EIF3L: variants seen among roughly 807,000 people sequenced by gnomAD.
EIF3L encodes eukaryotic translation initiation factor 3 subunit L, also known as eIEF associated protein HSPC021.
EIF3L carries 32 observed loss-of-function variants against 74.6 expected under a neutral mutation model. The ratio of observed to expected loss-of-function variants is 0.43; its 90% CI spans 0.32 to 0.58. The LOEUF (loss-of-function observed/expected upper bound fraction) is 0.58. EIF3L is among the 20% of genes least tolerant of loss of function. EIF3L has a pLI of 0.06. For missense variants in EIF3L, 474 were observed against 707.8 expected (o/e 0.67, Z 3.75); for synonymous variants, 256 against 254.4 (o/e 1.01, Z -0.06).
intron 9 of EIF3L, 139 bp from the exon 10 acceptor site, chr22:37,875,701 TC>T (rs1926708869): frequency 1.5e-6 from 1 of 685,126 alleles, no homozygotes; most frequent in Non-Finnish European, 2.4e-6. Context: ...AATAGGAAGA[TC>T]CGCTCTCAAA....
rs1206144941 is a variant in EIF3L, at chr22:37,863,032, A to G, written c.499A>G (p.Ile167Val). 3.7e-6 allele frequency: 6 copies of G among 1,612,486 alleles called. No individual in the cohort carries two copies. The South Asian group carries it at 5.5e-5, about 15-fold the overall frequency. The change falls in exon 6 of 13, where the codon ATT becomes GTT. Residue 167 changes from isoleucine to valine, a missense_variant. Around this residue, in one of 4 missense-constraint regions of EIF3L, gnomAD observed 141 missense variants for 197.7 expected, o/e 0.71. Transcript: ENST00000652021. ...YYNYCNLFNY[I>V]LNADGPAPLE... is the part of the protein sequence containing the mutation. ...CAACTACTGCAATCTCTTCAACTAC[A>G]TTCTTAGTGAGTCTGAGATTTGGCC...
intron 5 of EIF3L, among the ~76,000 whole-genome samples, chr22:37,860,660 A>G (rs896826742): frequency 1.3e-5 from 2 of 152,230 alleles, no homozygotes; most frequent in Admixed American, 1.3e-4. Flanking sequence ...GGCGTGAGCC[A>G]CTGTGCCTGG....
intron 6 of EIF3L, 55 bp downstream of exon 6, chr22:37,863,093 T>A: frequency 6.9e-7 from 1 of 1,440,874 alleles, no homozygotes; most frequent in Non-Finnish European, 9.5e-7. Flanking sequence ...GGTTCAGCAT[T>A]GGCCTCCAGC....
chr22:37,884,903 T>A (rs1317750817), intron 11 of EIF3L: 102 of 6,718 alleles, frequency 0.015, no homozygotes, highest in Non-Finnish European at 0.028. Context: ...TGTCAAGCCT[T>A]TTTTTTTTTT....
At chr22:37,857,696 C>T (rs779100814) in intron 4 of EIF3L, among the ~76,000 whole-genome samples, 18 of 151,766 alleles carry the variant, frequency 1.2e-4, no homozygotes, top group Admixed American at 2.6e-4. Context: ...AGGCACCTGG[C>T]GGATTTTTTG....
Position 37,863,346 on chromosome 22 carries a change from G to A in EIF3L, c.579+1G>A, listed in dbSNP as rs113036185. 5.0e-6 allele frequency: 8 copies of A among 1,609,576 alleles called. No homozygotes were observed. Among genetic ancestry groups the A allele is most frequent in the East Asian group, 2.2e-5 (1 of 44,872 alleles). On this transcript the variant is annotated splice_donor_variant, in intron 7 of 12. Coordinates refer to ENST00000652021, the MANE Select transcript of EIF3L (RefSeq NM_016091.4). LOFTEE classifies it high-confidence loss of function. ...TATTATCGATGAGTTCATCTACCAG[G>A]TATCTGGTCAGCTTCAGCCTAATTT...
At chr22:37,852,694 G>A (rs1925289566) in intron 3 of EIF3L, among the ~76,000 whole-genome samples, 2 of 152,002 alleles carry the variant, frequency 1.3e-5, no homozygotes, top group Admixed American at 1.3e-4. Context: ...CATGGTTTTA[G>A]GCCTCACCCC....
chr22:37,874,476 T>C lies in EIF3L; in HGVS notation c.858T>C (p.Asp286=). Residue 286 remains aspartate, a synonymous_variant, in exon 9 of 13, where the codon GAT becomes GAC. Coordinates refer to ENST00000652021, the MANE Select transcript of EIF3L (RefSeq NM_016091.4). ...GLLRLHSLLG[D]YYQAIKVLEN... The stretch of plus-strand genomic sequence containing the variant: ...TCCGCCTGCACTCCCTGTTAGGAGA[T>C]TACTACCAGGCCATCAAGGTGCTGG... 1 of 1,614,168 alleles carries C rather than the reference T, an allele frequency of 6.2e-7. No individual in the cohort carries two copies. The highest frequency in any genetic ancestry group is 8.5e-7 in the Non-Finnish European group (1 of 1,180,008).
intron 4 of EIF3L, among the ~76,000 whole-genome samples, chr22:37,857,567 C>T (rs1362605913): frequency 6.6e-6 from 1 of 151,314 alleles, no homozygotes; most frequent in East Asian, 2.0e-4. Flanking sequence ...GATGGAGTCA[C>T]GGAGTCTTGC....
Position 37,860,852 on chromosome 22 carries a change from C to T in EIF3L, c.435+2112C>T, listed in dbSNP as rs576260740. ...TGATCCTTTTGCTACATAGTTTCAT[C>T]AGGTCACTTCCAATCCTACCATGAC... On this transcript the variant is annotated intron_variant, in intron 5 of 12. Transcript: ENST00000652021. Among the ~76,000 whole-genome samples the T allele has an allele frequency of 6.6e-5, 10 of 152,286 alleles. No individual in the cohort carries two copies. The South Asian group carries it at 2.1e-3, about 32-fold the overall frequency.
At chr22:37,857,362 T>G (rs1925576924) in intron 4 of EIF3L, among the ~76,000 whole-genome samples, 1 of 82,658 alleles carries the variant, frequency 1.2e-5, no homozygotes, top group Non-Finnish European at 2.1e-5. Flanking sequence ...AGAGCAAGAC[T>G]GCGTCCCAAA....
chr22:37,871,094 C>G (rs971246050), intron 8 of EIF3L: 1 of 151,814 alleles, frequency 6.6e-6, no homozygotes, highest in East Asian at 1.9e-4. Flanking sequence ...CACCACTGTA[C>G]TCTAGCCTGG....
intron 1 of EIF3L, 96 bp downstream of exon 1, chr22:37,849,578 GC>G: frequency 7.2e-7 from 1 of 1,388,370 alleles, no homozygotes; most frequent in Non-Finnish European, 9.8e-7. Context: ...CCGGGTCGCG[GC>G]CAGCTCCGGC....
At chr22:37,873,758 C>A (rs113670423) in intron 8 of EIF3L, among the ~76,000 whole-genome samples, 14 of 152,026 alleles carry the variant, frequency 9.2e-5, no homozygotes, top group African/African-American at 1.4e-4. Context: ...ACAACTGATA[C>A]AACAATCTCT....
In EIF3L at chr22:37,866,224, C is replaced by T. The variant is rs192339345; in HGVS notation, c.579+2879C>T. ...GTTACGTACTCTATTGTGCCATTTA[C>T]TGTGACTTGTTAACACACTTAAACC... On this transcript the variant is annotated intron_variant, in intron 7 of 12. Coordinates refer to ENST00000652021, the MANE Select transcript of EIF3L (RefSeq NM_016091.4). 2.4e-3 allele frequency among the ~76,000 whole-genome samples: 363 copies of T among 152,320 alleles called. 3 individuals are homozygous for T. The highest frequency in any genetic ancestry group is 3.6e-3 in the Non-Finnish European group (245 of 68,034).
intron 4 of EIF3L, among the ~76,000 whole-genome samples, chr22:37,857,882 T>C (rs1299329853): frequency 1.3e-5 from 2 of 152,066 alleles, no homozygotes; most frequent in African/African-American, 4.8e-5. Context: ...TCAAAACTCA[T>C]TCTGTGGCTG....
In EIF3L at chr22:37,850,074, G is replaced by T; in HGVS notation, c.82+11G>T. On this transcript the variant is annotated intron_variant, in intron 2 of 12. Coordinates refer to ENST00000652021, the MANE Select transcript of EIF3L (RefSeq NM_016091.4). ...ATGATATGCACACAGGTGAGACCACGGGTTAGGCTGGCTGAGTACTCGTAG... is the reference window on the plus strand; with the variant it reads ...ATGATATGCACACAGGTGAGACCACTGGTTAGGCTGGCTGAGTACTCGTAG... 1 of 1,613,286 alleles carries T rather than the reference G, an allele frequency of 6.2e-7. No individual in the cohort carries two copies. Among genetic ancestry groups the T allele is most frequent in the South Asian group, 1.1e-5 (1 of 91,058 alleles).
intron 12 of EIF3L, 45 bp downstream of exon 12, chr22:37,886,890 C>T (rs17752670): frequency 0.17 from 257,625 of 1,475,450 alleles, 25,388 homozygotes; most frequent in Non-Finnish European, 0.21. Context: ...CAGGACAGAG[C>T]TTAGGAACTG....
At chr22:37,883,093 T>C (rs1927135675) in intron 11 of EIF3L, 1 of 151,758 alleles carries the variant, frequency 6.6e-6, no homozygotes, top group Non-Finnish European at 1.5e-5. Flanking sequence ...GGTCAGGAGA[T>C]CAAGACCAGC....
Sources: gnomAD v4.1 joint callset for allele counts (sites outside exome capture counted in the v4.1 genomes callset) on GRCh38, gnomAD v4.1.1 for gene constraint, gnomAD v4.1.1 regional missense constraint, MANE v1.5 for transcripts, NCBI Gene and HGNC (gene_info 2026-07-23, HGNC 2026-07-21) for gene names.